LMTK2: variants seen among roughly 807,000 people sequenced by gnomAD.
LMTK2 encodes the protein lemur tail kinase 2.
Under a neutral mutation model 127.5 loss-of-function variants are expected in LMTK2, and 37 were observed. That is an observed-to-expected ratio of 0.29 (90% CI 0.22 to 0.38). LMTK2 has a LOEUF of 0.38. Ranked by LOEUF, LMTK2 falls within the 10% of genes least tolerant of loss-of-function variation. LMTK2 has a pLI of 1.00. For synonymous variants in LMTK2, 819 were observed against 810.1 expected (o/e 1.01, Z -0.19); for missense variants, 1,694 against 1,920.3 (o/e 0.88, Z 2.20).
chr7:98,141,473 C>T lies in LMTK2; in HGVS notation c.308C>T (p.Ala103Val). The change falls in exon 3 of 14, where the codon GCA becomes GTA. Residue 103 changes from alanine to valine, a missense_variant. By Grantham distance (64) the Ala-to-Val change is moderately conservative. Around this residue, in one of 8 missense-constraint regions of LMTK2, gnomAD observed 203 missense variants for 226.2 expected, o/e 0.90. Coordinates refer to ENST00000297293, the MANE Select transcript of LMTK2 (RefSeq NM_014916.4). ...AEDTPSVQSPAEVFTLSVPNI... is the reference protein window; with the variant it reads ...AEDTPSVQSPVEVFTLSVPNI... ...GACACTCCCTCTGTTCAGTCCCCAG[C>T]AGAGGTCTTCACACTTTCAGTACCA... 6.2e-7 allele frequency: 1 copy of T among 1,613,514 alleles called. No individual in the cohort carries two copies. The highest frequency in any genetic ancestry group is 1.7e-5 in the Admixed American group (1 of 60,028).
At chr7:98,107,674 T>C (rs771435362) in intron 1 of LMTK2, among the ~76,000 whole-genome samples, 19 of 152,210 alleles carry the variant, frequency 1.2e-4, no homozygotes, top group Admixed American at 6.5e-5. Context: ...GCCCTAATCA[T>C]ACTTAAATGC....
At chr7:98,177,575 C>T (rs1227442421) in intron 7 of LMTK2, among the ~76,000 whole-genome samples, 3 of 152,220 alleles carry the variant, frequency 2.0e-5, no homozygotes, top group Non-Finnish European at 4.4e-5. Flanking sequence ...TCATGGCTCA[C>T]TTGCTTGGCC....
chr7:98,202,922 T>TA (rs1797723929), intron 11 of LMTK2, among the ~76,000 whole-genome samples: 1 of 152,080 alleles, frequency 6.6e-6, no homozygotes, highest in Non-Finnish European at 1.5e-5. Context: ...GTGCCATACT[T>TA]CCTGCAATCG....
chr7:98,192,533 C>T lies in LMTK2; in HGVS notation c.2068C>T (p.Pro690Ser), dbSNP rs753337358. Residue 690 changes from proline (P) to serine (S), a missense_variant, in exon 11 of 14, where the codon CCC becomes TCC. Pro to Ser is a moderately conservative substitution (Grantham distance 74). Transcript: ENST00000297293. ...AACAGGCCACTTTGAGAAAGAAAAGCCCCGTAAGATTTTTGACAGTGAGCC... is the reference window on the plus strand; with the variant it reads ...AACAGGCCACTTTGAGAAAGAAAAGTCCCGTAAGATTTTTGACAGTGAGCC... ...VITGHFEKEK[P>S]RKIFDSEPLC... is the part of the protein sequence containing the mutation. The T allele has an allele frequency of 6.2e-7, 1 of 1,611,102 alleles. No individual in the cohort carries two copies. The highest frequency in any genetic ancestry group is 8.5e-7 in the Non-Finnish European group (1 of 1,179,366).
intron 11 of LMTK2, among the ~76,000 whole-genome samples, chr7:98,197,433 C>T (rs1033606725): frequency 1.2e-4 from 19 of 152,234 alleles, no homozygotes; most frequent in East Asian, 3.8e-4. Context: ...GCATCGCATT[C>T]GACTTTTAGC....
At chr7:98,124,172 G>A (rs532763280) in intron 1 of LMTK2, among the ~76,000 whole-genome samples, 9 of 152,218 alleles carry the variant, frequency 5.9e-5, no homozygotes, top group Admixed American at 5.2e-4. Context: ...ATGGATTGGA[G>A]GTGTGCTCCA....
rs767101658 is a variant in LMTK2, at chr7:98,191,928, A to T, written c.1463A>T (p.Glu488Val). The change falls in exon 11 of 14, where the codon GAG becomes GTG. Residue 488 changes from glutamate to valine, a missense_variant. Around this residue, in one of 8 missense-constraint regions of LMTK2, gnomAD observed 216 missense variants for 266.8 expected, o/e 0.81. Transcript: ENST00000297293. Reference protein sequence around the residue: ...WEAAKHDHFDERSRGHLDEGL... With the variant: ...WEAAKHDHFDVRSRGHLDEGL... ...GCCGCTAAGCACGACCACTTTGACG[A>T]GCGCAGCCGGGGCCACCTGGACGAA... 1 of 1,614,028 alleles carries T rather than the reference A, an allele frequency of 6.2e-7. No homozygotes were observed. Among genetic ancestry groups the T allele is most frequent in the South Asian group, 1.1e-5 (1 of 91,074 alleles).
intron 1 of LMTK2, among the ~76,000 whole-genome samples, chr7:98,115,458 G>T (rs1483771393): frequency 1.3e-5 from 2 of 151,864 alleles, no homozygotes; most frequent in Non-Finnish European, 2.9e-5. Flanking sequence ...AAAAAGAAAA[G>T]AAGGAAGGGA....
intron 4 of LMTK2, among the ~76,000 whole-genome samples, chr7:98,152,381 A>G (rs969141507): frequency 6.6e-6 from 1 of 152,222 alleles, no homozygotes; most frequent in African/African-American, 2.4e-5. Context: ...GTAGTCAGCC[A>G]TCTGCTGCTG....
chr7:98,190,246 T>G (rs1319311128), intron 9 of LMTK2, among the ~76,000 whole-genome samples: 1 of 152,206 alleles, frequency 6.6e-6, no homozygotes, highest in Admixed American at 6.5e-5. Context: ...CAGAAATGCC[T>G]CTTTTTTTGC....
At position 98,171,487 on chromosome 7, in the gene LMTK2, G is replaced by T. The variant is rs200802684; in HGVS notation, c.658-54G>T. 1.2e-6 allele frequency: 2 copies of T among 1,612,232 alleles called. No individual in the cohort carries two copies. Among genetic ancestry groups the T allele is most frequent in the Non-Finnish European group, 1.7e-6 (2 of 1,178,388 alleles). ...TGTTCACCGAGGCACGTATTTAAGC[G>T]CTCACTTTATTCCTGTGGCTCGTTT... On this transcript the variant is annotated intron_variant, in intron 6 of 13. Coordinates refer to ENST00000297293, the MANE Select transcript of LMTK2 (RefSeq NM_014916.4). The surrounding 1 kb of genome is among the most constrained non-coding windows in gnomAD (Gnocchi z 5.1).
chr7:98,129,661 T>G (rs1304474637), intron 1 of LMTK2, among the ~76,000 whole-genome samples: 2 of 152,214 alleles, frequency 1.3e-5, no homozygotes, highest in Non-Finnish European at 2.9e-5. Context: ...CCACTGTGCC[T>G]AGCTCGTAAG....
intron 6 of LMTK2, among the ~76,000 whole-genome samples, chr7:98,160,479 G>A (rs1023554427): frequency 2.6e-5 from 4 of 152,210 alleles, no homozygotes; most frequent in African/African-American, 9.7e-5. Flanking sequence ...TGTTGGCTTT[G>A]AGTCAACTGT....
At chr7:98,113,577 CAT>C (rs1796234915) in intron 1 of LMTK2, among the ~76,000 whole-genome samples, 1 of 152,106 alleles carries the variant, frequency 6.6e-6, no homozygotes, top group South Asian at 2.1e-4. Context: ...CATTTAAAAT[CAT>C]GTGCTTTTAT....
chr7:98,202,220 A>G (rs946458923), intron 11 of LMTK2, among the ~76,000 whole-genome samples: 4 of 151,948 alleles, frequency 2.6e-5, no homozygotes, highest in Admixed American at 2.0e-4. Flanking sequence ...TGTTGAGCCC[A>G]TCCATTGAAT....
At chr7:98,168,400 C>T (rs1043048815) in intron 6 of LMTK2, among the ~76,000 whole-genome samples, 9 of 152,214 alleles carry the variant, frequency 5.9e-5, no homozygotes, top group Admixed American at 1.3e-4. Flanking sequence ...CCCCGGGCTT[C>T]GCGGAGGCGT....
At chr7:98,203,433 C>T (rs1797737830) in intron 11 of LMTK2, 141 bp from the exon 12 acceptor site, 1 of 1,119,454 alleles carries the variant, frequency 8.9e-7, no homozygotes, top group Non-Finnish European at 1.2e-6. Flanking sequence ...TGTCCGTCCT[C>T]CCAGGCCTGG....
chr7:98,118,743 A>G (rs1239582993), intron 1 of LMTK2, among the ~76,000 whole-genome samples: 2 of 152,136 alleles, frequency 1.3e-5, no homozygotes, highest in Admixed American at 1.3e-4. Flanking sequence ...GGAAGAAGTA[A>G]GTGTGTTTTT....
chr7:98,184,159 G>T (rs1797395207), intron 7 of LMTK2, among the ~76,000 whole-genome samples: 1 of 152,122 alleles, frequency 6.6e-6, no homozygotes, highest in African/African-American at 2.4e-5. Flanking sequence ...ACATTGTTAT[G>T]GTTCTGGGGT....
Sources: gnomAD v4.1 joint callset for allele counts (sites outside exome capture counted in the v4.1 genomes callset) on GRCh38, gnomAD v4.1.1 for gene constraint, gnomAD v4.1.1 regional missense constraint, Gnocchi (gnomAD v3.1) non-coding constraint, MANE v1.5 for transcripts, NCBI Gene and HGNC (gene_info 2026-07-23, HGNC 2026-07-21) for gene names.